Variants in MCF2L observed in about 807,000 individuals in gnomAD.
The protein encoded by MCF2L is guanine nucleotide exchange factor DBS.
In MCF2L, 97 loss-of-function variants were observed where a neutral mutation model predicts 153.4. The ratio of observed to expected loss-of-function variants is 0.63; its 90% CI spans 0.54 to 0.75. MCF2L has a LOEUF of 0.75. Among genes scored for constraint, MCF2L ranks in the 30% least tolerant of loss-of-function variants. MCF2L has a pLI of 0.00. For synonymous variants in MCF2L, 659 were observed against 632.2 expected (o/e 1.04, Z -0.64); for missense variants, 1,347 against 1,495.2 (o/e 0.90, Z 1.64).
chr13:113,038,453 A>T (rs1170411732), intron 3 of MCF2L, among the ~76,000 whole-genome samples: 105 of 130,306 alleles, frequency 8.1e-4, no homozygotes, highest in Non-Finnish European at 3.5e-4. Context: ...TGACAGAGCG[A>T]GCCTCCATCT....
chr13:112,937,377 C>T (rs1055140710), intron 2 of MCF2L, among the ~76,000 whole-genome samples: 8 of 152,236 alleles, frequency 5.3e-5, no homozygotes, highest in Admixed American at 2.0e-4. Flanking sequence ...GTATGGTGGA[C>T]GTTATCTTCA....
At chr13:113,017,910 A>G (rs2084634871) in intron 2 of MCF2L, among the ~76,000 whole-genome samples, 1 of 152,188 alleles carries the variant, frequency 6.6e-6, no homozygotes, top group African/African-American at 2.4e-5. Context: ...TCAGGAAGGA[A>G]TGGCTCCGAA....
chr13:113,077,166 G>T lies in MCF2L; in HGVS notation c.1615G>T (p.Ala539Ser). The T allele has an allele frequency of 1.2e-6, 2 of 1,609,836 alleles. No homozygotes were observed. The highest frequency in any genetic ancestry group is 1.7e-6 in the Non-Finnish European group (2 of 1,178,504). The part of the protein sequence containing the change: ...ARQTRPVQPV[A>S]PRPEALAKSP... ...GCAGACGCGGCCCGTGCAGCCGGTG[G>T]CCCCCAGACCCGAGGCACTGGCAAA... The change falls in exon 13 of 30, where the codon GCC becomes TCC. Residue 539 changes from alanine to serine, a missense_variant. Transcript: ENST00000535094.
intron 5 of MCF2L, chr13:113,063,758 CT>C (rs2031929333): frequency 2.3e-6 from 1 of 437,430 alleles, no homozygotes; most frequent in Non-Finnish European, 4.6e-6. Flanking sequence ...CTCATGTCTC[CT>C]TTCTACGGCT....
chr13:113,052,129 T>A (rs1035878320), intron 4 of MCF2L, among the ~76,000 whole-genome samples: 1 of 152,250 alleles, frequency 6.6e-6, no homozygotes, highest in African/African-American at 2.4e-5. Flanking sequence ...GATTTAATCA[T>A]TCCACTGAGG....
chr13:113,058,969 C>CGGTTTGGGTGCTGAG (rs2030876207), intron 4 of MCF2L, among the ~76,000 whole-genome samples: 1 of 144,958 alleles, frequency 6.9e-6, no homozygotes. Context: ...TGTTTCAGCG[C>CGGTTTGGGTGCTGAG]TGTTTGGGTG....
chr13:112,929,133 C>G (rs1420602252), intron 2 of MCF2L, among the ~76,000 whole-genome samples: 1 of 152,226 alleles, frequency 6.6e-6, no homozygotes, highest in Non-Finnish European at 1.5e-5. Flanking sequence ...ATCCCTTTCT[C>G]CTGCCTGCAC....
At chr13:113,080,603 C>A (rs1195872443) in intron 15 of MCF2L, among the ~76,000 whole-genome samples, 2 of 152,248 alleles carry the variant, frequency 1.3e-5, no homozygotes, top group Non-Finnish European at 2.9e-5. Context: ...GCAAGACCTG[C>A]GCAGCCAGCT....
rs542588085 is a variant in MCF2L at position 112,993,355 on chromosome 13, G to A, written c.80-21408G>A. On this transcript the variant is annotated intron_variant, in intron 1 of 29. Coordinates refer to ENST00000535094, the MANE Select transcript of MCF2L (RefSeq NM_001112732.3). This position sits in a 1 kb window ranked among gnomAD's most constrained non-coding sequence, Gnocchi z 4.6. ...ACCTGAGGGCTCTGGGGTCAACACC[G>A]GTCCAGGAATTTGACTGTTAGCCAC... Among the ~76,000 whole-genome samples, 149 of 152,374 alleles carry A rather than the reference G, an allele frequency of 9.8e-4. No individual in the cohort carries two copies. Among genetic ancestry groups the A allele is most frequent in the Non-Finnish European group, 1.8e-3 (120 of 68,032 alleles).
At chr13:112,918,127 C>A (rs1160557496) in intron 2 of MCF2L, among the ~76,000 whole-genome samples, 2 of 152,216 alleles carry the variant, frequency 1.3e-5, no homozygotes, top group African/African-American at 4.8e-5. Context: ...CATTGTGCTG[C>A]CTTCATAATT....
intron 18 of MCF2L, chr13:113,084,664 G>A (rs2034461965): frequency 1.7e-6 from 1 of 578,128 alleles, no homozygotes. Context: ...GAAGTCAGGG[G>A]CTCTGGGACA....
At chr13:113,008,160 G>T (rs1301137479) in intron 1 of MCF2L, among the ~76,000 whole-genome samples, 6 of 152,194 alleles carry the variant, frequency 3.9e-5, no homozygotes, top group Non-Finnish European at 8.8e-5. Flanking sequence ...CAAGTGATTT[G>T]TCCACCTTGG....
At chr13:113,091,481 G>A (rs887660977) in intron 26 of MCF2L, among the ~76,000 whole-genome samples, 9 of 152,326 alleles carry the variant, frequency 5.9e-5, no homozygotes, top group East Asian at 3.9e-4. Context: ...TCACCTGGCC[G>A]TGCTGGGTGG....
At chr13:112,895,921 T>A (rs2081063310) in intron 1 of MCF2L, among the ~76,000 whole-genome samples, 1 of 152,004 alleles carries the variant, frequency 6.6e-6, no homozygotes, top group African/African-American at 2.4e-5. Context: ...GGCTCAAACT[T>A]CCACATTGGG....
intron 2 of MCF2L, among the ~76,000 whole-genome samples, chr13:112,963,186 C>T (rs573966808): frequency 5.9e-5 from 9 of 152,242 alleles, no homozygotes; most frequent in Admixed American, 1.3e-4. Context: ...ACCTCCACCA[C>T]TCTCAGCAGG....
intron 1 of MCF2L, among the ~76,000 whole-genome samples, chr13:113,012,965 G>A (rs1334077863): frequency 1.3e-5 from 2 of 150,238 alleles, no homozygotes; most frequent in African/African-American, 4.9e-5. Flanking sequence ...TGATGCGGAC[G>A]GTGGACAGGC....
rs747103891 is a variant in MCF2L, at chr13:113,065,253, T to G, written c.756+168T>G. 23 of 704,156 alleles carry G rather than the reference T, an allele frequency of 3.3e-5. No individual in the cohort carries two copies. The East Asian group carries it at 5.8e-4, about 18-fold the overall frequency. 43.6% of individuals were successfully genotyped at this position (704,156 alleles called of 1,614,324 possible). ...GGCTTGAGATGCCTTTTGATGGCAA[T>G]TAGCTCGGCAACCTCTCCGACGAGA... On this transcript the variant is annotated intron_variant, in intron 7 of 29. Transcript: ENST00000535094.
At chr13:112,975,641 C>T (rs536619004) in intron 1 of MCF2L, among the ~76,000 whole-genome samples, 8 of 152,304 alleles carry the variant, frequency 5.3e-5, no homozygotes, top group African/African-American at 7.2e-5. Context: ...GAGCCGCTGC[C>T]GTGGTCATCC....
upstream of MCF2L, chr13:112,968,535 C>A: frequency 6.4e-7 from 1 of 1,560,518 alleles, no homozygotes; most frequent in Non-Finnish European, 8.6e-7. Flanking sequence ...CTTGGGCAGG[C>A]GATGCCCCTG....
Sources: gnomAD v4.1 joint callset for allele counts (sites outside exome capture counted in the v4.1 genomes callset) on GRCh38, gnomAD v4.1.1 for gene constraint, Gnocchi (gnomAD v3.1) non-coding constraint, MANE v1.5 for transcripts, NCBI Gene and HGNC (gene_info 2026-07-23, HGNC 2026-07-21) for gene names.